Variants in TNS3 observed in about 807,000 individuals in gnomAD.
TNS3 encodes tensin-3.
A neutral mutation model predicts 140.9 loss-of-function variants in TNS3; 45 were observed. The ratio of observed to expected loss-of-function variants is 0.32; its 90% CI spans 0.25 to 0.41. The LOEUF is 0.41. Among genes scored for constraint, TNS3 ranks in the 10% least tolerant of loss-of-function variants. The pLI is 1.00. For missense variants in TNS3, 1,716 were observed against 1,906.7 expected (o/e 0.90, Z 1.86); for synonymous variants, 815 against 788.4 (o/e 1.03, Z -0.56).
intron 27 of TNS3, among the ~76,000 whole-genome samples, chr7:47,291,267 T>G (rs377057411): frequency 3.3e-4 from 50 of 152,324 alleles, no homozygotes; most frequent in African/African-American, 1.1e-3. Context: ...CCTGTCATTA[T>G]GCATTTGTCC....
chr7:47,437,188 G>T, intron 7 of TNS3, 75 bp downstream of exon 7: 1 of 991,942 alleles, frequency 1.0e-6, no homozygotes, highest in Non-Finnish European at 1.5e-6. Flanking sequence ...AAGACTAGTA[G>T]CAAATTATTT....
chr7:47,399,660 A>G (rs1793041954), intron 15 of TNS3, among the ~76,000 whole-genome samples: 1 of 152,334 alleles, frequency 6.6e-6, no homozygotes, highest in East Asian at 1.9e-4. Context: ...CTCACCTTAT[A>G]TTATAAAAAT....
rs751955884 is a variant in TNS3, at chr7:47,353,348, C to T, written c.2282-6992G>A. Reference sequence around the variant, plus strand: ...CCAGGCCACAGGTTAGGAGCCCTGGCGCTGAGGCACTGACTTCTGAATTAA... The same window carrying T: ...CCAGGCCACAGGTTAGGAGCCCTGGTGCTGAGGCACTGACTTCTGAATTAA... On this transcript the variant is annotated intron_variant, in intron 17 of 30. Coordinates refer to ENST00000311160, the MANE Select transcript of TNS3 (RefSeq NM_022748.12). Among the ~76,000 whole-genome samples the T allele has an allele frequency of 3.3e-5, 5 of 152,178 alleles. No individual in the cohort carries two copies. In the South Asian group the frequency reaches 8.3e-4, roughly 25 times the overall value.
At chr7:47,294,555 C>G (rs1016855679) in intron 24 of TNS3, among the ~76,000 whole-genome samples, 3 of 152,208 alleles carry the variant, frequency 2.0e-5, no homozygotes, top group Admixed American at 6.5e-5. Flanking sequence ...TTTCTGGGAT[C>G]CAGTGCTTCC....
intron 10 of TNS3, among the ~76,000 whole-genome samples, chr7:47,420,569 T>A (rs531021191): frequency 2.6e-5 from 4 of 152,132 alleles, no homozygotes; most frequent in Non-Finnish European, 5.9e-5. Flanking sequence ...GCACTATGCA[T>A]TCGGGCAGCC....
intron 20 of TNS3, among the ~76,000 whole-genome samples, chr7:47,330,504 T>A (rs928009633): frequency 6.6e-6 from 1 of 152,144 alleles, no homozygotes; most frequent in South Asian, 2.1e-4. Context: ...GTCCTGAGGC[T>A]GAGGGAGGGA....
intron 7 of TNS3, among the ~76,000 whole-genome samples, chr7:47,437,030 C>T (rs1795218373): frequency 6.6e-6 from 1 of 152,138 alleles, no homozygotes; most frequent in African/African-American, 2.4e-5. Flanking sequence ...GATTCTCCCA[C>T]TGGAAAGACT....
intron 1 of TNS3, among the ~76,000 whole-genome samples, chr7:47,572,339 C>G (rs779226686): frequency 1.2e-4 from 18 of 152,144 alleles, no homozygotes; most frequent in Non-Finnish European, 2.5e-4. Context: ...GCGCGGTAGT[C>G]ACACACACAC....
intron 9 of TNS3, 49 bp from the exon 10 acceptor site, chr7:47,424,233 C>T: frequency 1.3e-6 from 2 of 1,589,370 alleles, no homozygotes; most frequent in Non-Finnish European, 1.7e-6. Context: ...GAGCCCACAC[C>T]ACGTGGGTAC....
At chr7:47,445,423 G>A (rs1795681351) in intron 4 of TNS3, among the ~76,000 whole-genome samples, 1 of 152,198 alleles carries the variant, frequency 6.6e-6, no homozygotes, top group South Asian at 2.1e-4. Context: ...GAATCCCACA[G>A]TTAAGCTGCA....
At chr7:47,415,017 T>C in intron 11 of TNS3, 77 bp downstream of exon 11, 1 of 1,100,800 alleles carries the variant, frequency 9.1e-7, no homozygotes. Context: ...CCGAGGCTTA[T>C]CTAAATTGAG....
intron 27 of TNS3, among the ~76,000 whole-genome samples, chr7:47,290,031 G>A (rs1785611451): frequency 6.6e-6 from 1 of 152,110 alleles, no homozygotes; most frequent in Non-Finnish European, 1.5e-5. Context: ...ATGTGATATT[G>A]GTGAAAGAAC....
intron 17 of TNS3, among the ~76,000 whole-genome samples, chr7:47,367,706 G>C (rs1391606027): frequency 6.6e-6 from 1 of 152,156 alleles, no homozygotes; most frequent in Non-Finnish European, 1.5e-5. Context: ...CCCTGGGCCT[G>C]TTCCCCCAAG....
chr7:47,427,735 AC>A (rs1794733021), intron 9 of TNS3, among the ~76,000 whole-genome samples: 2 of 152,056 alleles, frequency 1.3e-5, no homozygotes, highest in Non-Finnish European at 2.9e-5. Flanking sequence ...ACCAGCCCAG[AC>A]CTGGCTCTCC....
At chr7:47,473,083 T>A (rs1797025902) in intron 4 of TNS3, among the ~76,000 whole-genome samples, 1 of 152,124 alleles carries the variant, frequency 6.6e-6, no homozygotes, top group East Asian at 1.9e-4. Flanking sequence ...TCCACACCCA[T>A]CGTCCTCCAC....
chr7:47,393,000 C>G (rs926770094), intron 16 of TNS3, among the ~76,000 whole-genome samples: 2 of 152,196 alleles, frequency 1.3e-5, no homozygotes, highest in Non-Finnish European at 2.9e-5. Context: ...ACTTTGGAAG[C>G]CCCTCTAAGG....
At chr7:47,562,084 A>G (rs991361785) in intron 1 of TNS3, among the ~76,000 whole-genome samples, 57 of 152,362 alleles carry the variant, frequency 3.7e-4, no homozygotes, top group African/African-American at 1.3e-3. Flanking sequence ...GCACAGTTGC[A>G]ATACAGTTTG....
At chr7:47,357,648 G>A (rs1790068779) in intron 17 of TNS3, among the ~76,000 whole-genome samples, 1 of 152,154 alleles carries the variant, frequency 6.6e-6, no homozygotes, top group Non-Finnish European at 1.5e-5. Flanking sequence ...GACCAACCCA[G>A]GGAAGAGCCT....
rs144859513 is a variant in TNS3, at chr7:47,525,398, C to T, written c.-153+3638G>A. Among the ~76,000 whole-genome samples the T allele has an allele frequency of 2.5e-3, 374 of 152,332 alleles. 1 individual carries two copies. The highest frequency in any genetic ancestry group is 8.8e-3 in the African/African-American group (364 of 41,578). On this transcript the variant is annotated intron_variant, in intron 2 of 30. Transcript: ENST00000311160. The stretch of plus-strand genomic sequence containing the variant: ...TGAAATTTAAACCATTATCTGGAGA[C>T]AGCATGCCTTACTGCATCTTCCTTA...
Sources: gnomAD v4.1 joint callset for allele counts (sites outside exome capture counted in the v4.1 genomes callset) on GRCh38, gnomAD v4.1.1 for gene constraint, MANE v1.5 for transcripts, NCBI Gene and HGNC (gene_info 2026-07-23, HGNC 2026-07-21) for gene names.